The following VAMP7 variants were observed in gnomAD, a reference collection of about 807,000 sequenced individuals.
VAMP7 encodes the protein vesicle-associated membrane protein 7.
In VAMP7, 14 loss-of-function variants were observed where a neutral mutation model predicts 29.6. The observed-to-expected ratio is 0.47, with a 90% CI of 0.31 to 0.74. The LOEUF is 0.74. VAMP7 is among the 30% of genes least tolerant of loss of function. VAMP7 has a pLI of 0.05. For synonymous variants in VAMP7, 95 were observed against 88.1 expected (o/e 1.08, Z -0.44); for missense variants, 223 against 262.4 (o/e 0.85, Z 1.04).
chrX:155,900,348 A>AT, intron 4 of VAMP7, 149 bp from the exon 5 acceptor site: 1 of 611,578 alleles, frequency 1.6e-6, no homozygotes, highest in Non-Finnish European at 2.7e-6. Flanking sequence ...GTATTGTAAC[A>AT]TTTTTCCAGT....
rs2124411570 is a variant in VAMP7 at position 155,939,792 on chromosome X, T to C, written c.593T>C (p.Ile198Thr). The stretch of plus-strand genomic sequence containing the variant: ...ACTATTATCATCATCATCGTATCAA[T>C]TGTAAGTTTTTGTCCTTTTAGTGTA... ...KLTIIIIIVS[I>T]VFIYIIVSPL... The change falls in exon 7 of 8, where the codon ATT becomes ACT. Residue 198 changes from isoleucine to threonine, a missense_variant and splice_region_variant. By Grantham distance (89) the Ile-to-Thr change is moderately conservative. Transcript: ENST00000286448. 1 of 1,610,508 alleles carries C rather than the reference T, an allele frequency of 6.2e-7. No homozygotes were observed. The highest frequency in any genetic ancestry group is 2.2e-5 in the East Asian group (1 of 44,850).
intron 5 of VAMP7, among the ~76,000 whole-genome samples, chrX:155,908,616 T>TTTGG (rs2066187477): frequency 5.0e-5 from 1 of 19,820 alleles, no homozygotes; most frequent in Admixed American, 4.5e-4. Context: ...TTGTGATGTC[T>TTTGG]TTGGTTTTGA....
At position 155,895,613 on chromosome X, in the gene VAMP7, T is replaced by G; in HGVS notation, c.147-10T>G. 6.2e-7 allele frequency: 1 copy of G among 1,600,388 alleles called. No individual in the cohort carries two copies. The stretch of plus-strand genomic sequence containing the variant: ...TAACCACAGTAAGTTTTATATCTTT[T>G]ATTCTACAGTTATTTGTTTCATTAC... On this transcript the variant is annotated splice_polypyrimidine_tract_variant and intron_variant, in intron 2 of 7. Transcript: ENST00000286448.
chrX:155,895,218 G>A (rs952788090), intron 2 of VAMP7, among the ~76,000 whole-genome samples: 27 of 152,258 alleles, frequency 1.8e-4, no homozygotes, highest in African/African-American at 5.3e-4. Context: ...CTCAAATGTT[G>A]AGAATTTGGT....
In VAMP7 at chrX:155,926,470, C is replaced by A. The variant is rs181956598; in HGVS notation, c.501+6590C>A. ...GCTAGCTTTAAACTTTTCTTCTGCA[C>A]CTTCCTCGCCTCTCTCAGCCTTCAT... On this transcript the variant is annotated intron_variant, in intron 6 of 7. Coordinates refer to ENST00000286448, the MANE Select transcript of VAMP7 (RefSeq NM_005638.6). Among the ~76,000 whole-genome samples, 7 of 152,300 alleles carry A rather than the reference C, an allele frequency of 4.6e-5. No homozygotes were observed. In the East Asian group the frequency reaches 1.2e-3, roughly 25 times the overall value.
intron 1 of VAMP7, 99 bp from the exon 2 acceptor site, chrX:155,889,359 T>G: frequency 6.8e-7 from 1 of 1,465,572 alleles, no homozygotes; most frequent in East Asian, 2.3e-5. Flanking sequence ...CCTCGTTAGA[T>G]ACTATCTCCA....
intron 5 of VAMP7, among the ~76,000 whole-genome samples, chrX:155,901,980 G>A (rs911833341): frequency 7.2e-5 from 11 of 152,152 alleles, no homozygotes; most frequent in Admixed American, 3.9e-4. Flanking sequence ...CCATTTTCAT[G>A]ATATTGATTC....
chrX:155,909,055 G>C (rs1019709285), intron 5 of VAMP7, among the ~76,000 whole-genome samples: 6 of 152,092 alleles, frequency 3.9e-5, no homozygotes, highest in Non-Finnish European at 5.9e-5. Flanking sequence ...TCAAACTCCT[G>C]GGCTCAAGCG....
chrX:155,921,559 T>C (rs1441081076), intron 6 of VAMP7, among the ~76,000 whole-genome samples: 1 of 152,120 alleles, frequency 6.6e-6, no homozygotes, highest in Non-Finnish European at 1.5e-5. Flanking sequence ...TCACTTATTC[T>C]TTTTTATTGT....
chrX:155,912,362 T>A (rs1471911318), intron 5 of VAMP7, among the ~76,000 whole-genome samples: 1 of 152,270 alleles, frequency 6.6e-6, no homozygotes, highest in African/African-American at 2.4e-5. Context: ...ACACATTTGC[T>A]CTTTTTTTAT....
At chrX:155,919,214 G>C (rs1423088057) in intron 5 of VAMP7, among the ~76,000 whole-genome samples, 2 of 152,006 alleles carry the variant, frequency 1.3e-5, no homozygotes, top group Non-Finnish European at 2.9e-5. Flanking sequence ...TCTGGGCATT[G>C]TTTTGGTTTT....
chrX:155,910,729 G>A, intron 5 of VAMP7, among the ~76,000 whole-genome samples: 1 of 151,684 alleles, frequency 6.6e-6, no homozygotes, highest in African/African-American at 2.4e-5. Context: ...ATACCTTTTG[G>A]CCATTTGTAT....
intron 5 of VAMP7, among the ~76,000 whole-genome samples, chrX:155,914,250 G>A (rs1263754119): frequency 1.3e-5 from 2 of 152,116 alleles, no homozygotes; most frequent in Non-Finnish European, 2.9e-5. Context: ...ATCAGCTTAA[G>A]GAGATTTTGG....
chrX:155,894,981 C>T (rs2065969311), intron 2 of VAMP7, among the ~76,000 whole-genome samples: 1 of 152,160 alleles, frequency 6.6e-6, no homozygotes, highest in Admixed American at 6.5e-5. Flanking sequence ...TCAGACATCA[C>T]TTGTTCTGGG....
chrX:155,917,265 T>C (rs950839641), intron 5 of VAMP7, among the ~76,000 whole-genome samples: 4 of 152,298 alleles, frequency 2.6e-5, no homozygotes, highest in African/African-American at 9.6e-5. Context: ...CTCTAACCTT[T>C]TTTCAAGGTC....
chrX:155,929,732 G>A (rs1381409235), intron 6 of VAMP7, among the ~76,000 whole-genome samples: 1 of 152,108 alleles, frequency 6.6e-6, no homozygotes, highest in African/African-American at 2.4e-5. Flanking sequence ...ACTTAGTGAG[G>A]TCTCAAGGCC....
At chrX:155,905,626 A>T (rs1188073063) in intron 5 of VAMP7, among the ~76,000 whole-genome samples, 1 of 152,168 alleles carries the variant, frequency 6.6e-6, no homozygotes, top group Non-Finnish European at 1.5e-5. Context: ...GAATATGTAT[A>T]TACAGTTGTT....
At chrX:155,900,915 G>T (rs974529198) in intron 5 of VAMP7, among the ~76,000 whole-genome samples, 14 of 152,050 alleles carry the variant, frequency 9.2e-5, no homozygotes, top group African/African-American at 3.4e-4. Context: ...ACCTAACCTT[G>T]CCTGAATTTT....
At chrX:155,901,979 T>A (rs374889835) in intron 5 of VAMP7, among the ~76,000 whole-genome samples, 1 of 152,074 alleles carries the variant, frequency 6.6e-6, no homozygotes, top group East Asian at 1.9e-4. Flanking sequence ...GCCATTTTCA[T>A]GATATTGATT....
Sources: gnomAD v4.1 joint callset for allele counts (sites outside exome capture counted in the v4.1 genomes callset) on GRCh38, gnomAD v4.1.1 for gene constraint, MANE v1.5 for transcripts, NCBI Gene and HGNC (gene_info 2026-07-23, HGNC 2026-07-21) for gene names.